The following TYW1B variants were observed in gnomAD, a reference collection of about 807,000 sequenced individuals.
The protein encoded by TYW1B is tRNA-yW synthesizing protein 1 homolog B.
TYW1B carries 73 observed loss-of-function variants against 86.9 expected under a neutral mutation model. That is an observed-to-expected ratio of 0.84 (90% CI 0.70 to 1.02). The LOEUF (loss-of-function observed/expected upper bound fraction) is 1.02, where lower values mean the gene tolerates loss of function less well. Ranked by LOEUF, TYW1B falls within the 50% of genes least tolerant of loss-of-function variation. The pLI, the probability that TYW1B is intolerant of heterozygous loss-of-function variation, is 0.00. For missense variants in TYW1B, 637 were observed against 827.4 expected (o/e 0.77, Z 2.82); for synonymous variants, 248 against 292.8 (o/e 0.85, Z 1.56).
At chr7:72,718,417 A>G (rs1223637870) in intron 9 of TYW1B, among the ~76,000 whole-genome samples, 1 of 152,196 alleles carries the variant, frequency 6.6e-6, no homozygotes, top group Admixed American at 6.6e-5. Flanking sequence ...CCTGCAGTAC[A>G]CAATACACCG....
chr7:72,574,637 G>A lies in TYW1B; in HGVS notation c.*861C>T. 1 of 985,386 alleles carries A rather than the reference G, an allele frequency of 1.0e-6. No homozygotes were observed. Among genetic ancestry groups the A allele is most frequent in the Non-Finnish European group, 1.2e-6 (1 of 829,928 alleles). 61.0% of individuals were successfully genotyped at this position (985,386 alleles called of 1,614,324 possible). A position where few individuals can be genotyped will look rare whatever the true frequency, so the allele number is the denominator to read the frequency against. ...AACTTGAAAACACCTGAACCTTATA[G>A]AACAGATTGTGTAAAGCAGCGAGGG... On this transcript the variant is annotated 3_prime_UTR_variant, in exon 14 of 14. Coordinates refer to ENST00000620995, the MANE Select transcript of TYW1B (RefSeq NM_001145440.3).
chr7:72,733,356 G>T (rs1383630402), intron 8 of TYW1B, among the ~76,000 whole-genome samples: 1 of 152,142 alleles, frequency 6.6e-6, no homozygotes, highest in Admixed American at 6.6e-5. Context: ...TATCCCCGAT[G>T]AACAAAGGTA....
intron 11 of TYW1B, among the ~76,000 whole-genome samples, chr7:72,629,722 A>AT (rs1554439556): frequency 1.3e-5 from 2 of 152,104 alleles, no homozygotes; most frequent in East Asian, 1.9e-4. Context: ...AAGTTTAAAA[A>AT]TTTTTTTAGA....
chr7:72,591,359 T>C (rs531123047), intron 13 of TYW1B, among the ~76,000 whole-genome samples: 50 of 152,158 alleles, frequency 3.3e-4, no homozygotes, highest in Non-Finnish European at 5.9e-4. Flanking sequence ...ACTCCAAGGA[T>C]AATGAACTAA....
chr7:72,759,222 C>T (rs1402896344), intron 7 of TYW1B, among the ~76,000 whole-genome samples: 1 of 152,132 alleles, frequency 6.6e-6, no homozygotes, highest in Non-Finnish European at 1.5e-5. Flanking sequence ...GTAGTCCCAA[C>T]TACTCGGGAG....
intron 13 of TYW1B, among the ~76,000 whole-genome samples, chr7:72,610,008 A>G (rs1466331054): frequency 6.6e-6 from 1 of 152,184 alleles, no homozygotes; most frequent in Non-Finnish European, 1.5e-5. Flanking sequence ...GCGCAGTGAC[A>G]CTGGACATCT....
chr7:72,827,587 ATTAAG>A (rs150287813), intron 1 of TYW1B, among the ~76,000 whole-genome samples: 1,559 of 152,322 alleles, frequency 0.01, 32 homozygotes, highest in African/African-American at 0.035. Context: ...TTCATGTGAA[ATTAAG>A]TTAATTGTTT....
intron 13 of TYW1B, among the ~76,000 whole-genome samples, chr7:72,601,575 A>G (rs1301987525): frequency 1.3e-5 from 2 of 152,104 alleles, no homozygotes; most frequent in East Asian, 3.9e-4. Flanking sequence ...TGTTTAGAGC[A>G]GCTTTGTTCA....
At chr7:72,631,118 G>C (rs1473693764) in intron 11 of TYW1B, among the ~76,000 whole-genome samples, 1 of 150,406 alleles carries the variant, frequency 6.6e-6, no homozygotes, top group African/African-American at 2.5e-5. Context: ...CAAATCAAAC[G>C]CCATTTGGTA....
chr7:72,770,953 C>CTTTTTTTTTTT (rs202136569), intron 7 of TYW1B, among the ~76,000 whole-genome samples: 1 of 87,482 alleles, frequency 1.1e-5, no homozygotes, highest in African/African-American at 4.5e-5. Context: ...TATGAATTTC[C>CTTTTTTTTTTT]TTTTTTTTTT....
chr7:72,615,028 G>A (rs1158844642), intron 13 of TYW1B, among the ~76,000 whole-genome samples: 8 of 152,226 alleles, frequency 5.3e-5, no homozygotes, highest in Non-Finnish European at 1.0e-4. Flanking sequence ...ACAAGTGGCA[G>A]TGTAAGATTT....
intron 11 of TYW1B, among the ~76,000 whole-genome samples, chr7:72,634,646 G>GTTTAAAGGATC (rs1812624593): frequency 6.6e-6 from 1 of 151,888 alleles, no homozygotes; most frequent in Admixed American, 6.6e-5. Context: ...CGTTGTATCA[G>GTTTAAAGGATC]AGTTTTGGTT....
intron 11 of TYW1B, among the ~76,000 whole-genome samples, chr7:72,637,717 A>T (rs1234766170): frequency 6.7e-6 from 1 of 149,840 alleles, no homozygotes; most frequent in Non-Finnish European, 1.5e-5. Context: ...CATTGTGGGT[A>T]CCAATTAACT....
intron 10 of TYW1B, among the ~76,000 whole-genome samples, chr7:72,710,350 T>C (rs1482603147): frequency 6.6e-6 from 1 of 152,258 alleles, no homozygotes; most frequent in Admixed American, 6.5e-5. Flanking sequence ...CCAACTAAAG[T>C]TTAAAAACAG....
Position 72,575,683 on chromosome 7 carries a change from A to G in TYW1B, c.1822T>C (p.Tyr608His). 1.2e-6 allele frequency: 2 copies of G among 1,613,000 alleles called. No homozygotes were observed. The highest frequency in any genetic ancestry group is 1.7e-6 in the Non-Finnish European group (2 of 1,179,200). ...IGGEWWTWID[Y>H]NRFQELIQEY... ...TGGATGAGCTCCTGGAAGCGGTTAT[A>G]ATCGATCCATGTCCACCATTCACCA... The change falls in exon 14 of 14, where the codon TAT becomes CAT. Residue 608 changes from tyrosine (Y) to histidine (H), a missense_variant. Physicochemically the swap from Tyr to His is moderately conservative, Grantham distance 83. Transcript: ENST00000620995.
At chr7:72,796,124 C>T (rs1332859164) in intron 6 of TYW1B, among the ~76,000 whole-genome samples, 2 of 14,892 alleles carry the variant, frequency 1.3e-4, no homozygotes, top group East Asian at 2.1e-3. Context: ...TTGCTTAAAT[C>T]AATTATTACA....
intron 8 of TYW1B, among the ~76,000 whole-genome samples, chr7:72,743,705 G>A (rs1305638949): frequency 5.3e-5 from 8 of 151,848 alleles, no homozygotes; most frequent in South Asian, 2.1e-4. Flanking sequence ...TTAGCTGGGC[G>A]TGGTGATGCA....
chr7:72,664,423 A>G (rs543284364), intron 11 of TYW1B, among the ~76,000 whole-genome samples: 1 of 152,296 alleles, frequency 6.6e-6, no homozygotes, highest in East Asian at 1.9e-4. Context: ...CCTTATAAGC[A>G]AAGTACCTTG....
At chr7:72,648,082 A>G (rs1812972540) in intron 11 of TYW1B, among the ~76,000 whole-genome samples, 1 of 152,188 alleles carries the variant, frequency 6.6e-6, no homozygotes, top group South Asian at 2.1e-4. Context: ...ATATATCTAC[A>G]CCAAAAAAAT....
Sources: gnomAD v4.1 joint callset for allele counts (sites outside exome capture counted in the v4.1 genomes callset) on GRCh38, gnomAD v4.1.1 for gene constraint, MANE v1.5 for transcripts, NCBI Gene and HGNC (gene_info 2026-07-23, HGNC 2026-07-21) for gene names.